AMBRA1: variants seen among roughly 807,000 people sequenced by gnomAD.
AMBRA1 encodes the protein activating molecule in BECN1-regulated autophagy protein 1.
Under a neutral mutation model 125.4 loss-of-function variants are expected in AMBRA1, and 47 were observed. That is an observed-to-expected ratio of 0.37 (90% CI 0.30 to 0.48). AMBRA1 has a LOEUF of 0.48. Among genes scored for constraint, AMBRA1 ranks in the 20% least tolerant of loss-of-function variants. The pLI is 0.99. For synonymous variants in AMBRA1, 626 were observed against 655.5 expected, an observed-to-expected ratio of 0.95 and a Z score of 0.69; for missense variants, 1,331 against 1,693.4, an observed-to-expected ratio of 0.79 and a Z score of 3.76.
chr11:46,566,045 C>T (rs945584934), intron 1 of AMBRA1, among the ~76,000 whole-genome samples: 1 of 152,108 alleles, frequency 6.6e-6, no homozygotes, highest in African/African-American at 2.4e-5. Flanking sequence ...GCCACCATGC[C>T]CAGCCAGATG....
At chr11:46,549,092 A>G (rs1029066903) in intron 1 of AMBRA1, 1 of 147,224 alleles carries the variant, frequency 6.8e-6, no homozygotes, top group Non-Finnish European at 1.5e-5. Context: ...AAAGGGAAGG[A>G]AAAAAAAAAA....
chr11:46,411,352 G>C (rs574723384), intron 15 of AMBRA1, among the ~76,000 whole-genome samples: 3 of 152,234 alleles, frequency 2.0e-5, no homozygotes, highest in East Asian at 1.9e-4. Context: ...GTGTTGGCTA[G>C]GACAGAGACC....
At chr11:46,566,588 G>A (rs1383020372) in intron 1 of AMBRA1, among the ~76,000 whole-genome samples, 1 of 152,106 alleles carries the variant, frequency 6.6e-6, no homozygotes, top group African/African-American at 2.4e-5. Flanking sequence ...ATTACAGACG[G>A]GACCCGGGGG....
At position 46,433,518 on chromosome 11, in the gene AMBRA1, C is replaced by T. The variant is rs1167936671; in HGVS notation, c.2932G>A (p.Val978Ile). 1 of 1,614,060 alleles carries T rather than the reference C, an allele frequency of 6.2e-7. No homozygotes were observed. The highest frequency in any genetic ancestry group is 8.5e-7 in the Non-Finnish European group (1 of 1,180,028). ...HPSTEHMVAQ[V>I]FRLQQAHGGE... ...CCATGGGCCTGTTGCAGCCTGAAGA[C>T]CTGGGCCACCATGTGCTCTGTGGAG... is the stretch of plus-strand genomic sequence containing the variant. The change falls in exon 14 of 18, where the codon GTC becomes ATC. Residue 978 changes from valine to isoleucine, a missense_variant. Physicochemically the swap from Val to Ile is conservative, Grantham distance 29. Around this residue, in one of 4 missense-constraint regions of AMBRA1, gnomAD observed 354 missense variants for 532.7 expected, o/e 0.66. Transcript: ENST00000683756.
rs552069761 is a variant in AMBRA1, at chr11:46,446,602, A to T, written c.2522-3004T>A. ...AGGACAGATAATTATTTGTGTGAAGAGTCTTGTGCATCGCAGAACATTTAG... is the reference window on the plus strand; with the variant it reads ...AGGACAGATAATTATTTGTGTGAAGTGTCTTGTGCATCGCAGAACATTTAG... On this transcript the variant is annotated intron_variant, in intron 11 of 17. Coordinates refer to ENST00000683756, the MANE Select transcript of AMBRA1 (RefSeq NM_001387011.1). 1.7e-4 allele frequency among the ~76,000 whole-genome samples: 26 copies of T among 152,312 alleles called. No individual in the cohort carries two copies. The South Asian group carries it at 3.9e-3, about 23-fold the overall frequency.
chr11:46,552,683 A>AC (rs2043045005), intron 1 of AMBRA1, among the ~76,000 whole-genome samples: 1 of 151,758 alleles, frequency 6.6e-6, no homozygotes, highest in South Asian at 2.1e-4. Flanking sequence ...TGTCTCAAAA[A>AC]AAAAAAAAAA....
chr11:46,431,907 A>G (rs957303487), intron 14 of AMBRA1, among the ~76,000 whole-genome samples: 1 of 152,220 alleles, frequency 6.6e-6, no homozygotes, highest in Admixed American at 6.5e-5. Context: ...CTTTCTTGTC[A>G]TTGTGATATC....
intron 14 of AMBRA1, among the ~76,000 whole-genome samples, chr11:46,425,678 A>T (rs539239816): frequency 3.9e-5 from 6 of 152,044 alleles, no homozygotes; most frequent in Admixed American, 3.9e-4. Context: ...TGTCTCTACT[A>T]AAAATACAGA....
chr11:46,503,659 TCACAATGTGGA>T (rs1950926112), intron 9 of AMBRA1, among the ~76,000 whole-genome samples: 1 of 152,174 alleles, frequency 6.6e-6, no homozygotes, highest in Non-Finnish European at 1.5e-5. Flanking sequence ...CTGTATTTGG[TCACAATGTGGA>T]CTTCTGGGAA....
rs1946616937 is a variant in AMBRA1, at chr11:46,417,906, C to T, written c.3116+7G>A. The T allele has an allele frequency of 6.2e-7, 1 of 1,602,086 alleles. No homozygotes were observed. The highest frequency in any genetic ancestry group is 8.5e-7 in the Non-Finnish European group (1 of 1,171,646). ...ATCCCTCAACCCCCACACTTTAAGC[C>T]ACTTACTCTGGTCGGCAGATCACCA... On this transcript the variant is annotated splice_region_variant and intron_variant, in intron 15 of 17. Transcript: ENST00000683756.
At chr11:46,527,362 C>T (rs950479995) in intron 7 of AMBRA1, among the ~76,000 whole-genome samples, 1 of 151,612 alleles carries the variant, frequency 6.6e-6, no homozygotes, top group South Asian at 2.1e-4. Flanking sequence ...CACCTGTAAT[C>T]CCAACTACTT....
At chr11:46,500,050 G>A (rs924618749) in intron 9 of AMBRA1, among the ~76,000 whole-genome samples, 2 of 152,144 alleles carry the variant, frequency 1.3e-5, no homozygotes, top group Non-Finnish European at 2.9e-5. Flanking sequence ...TTACACATCA[G>A]ACACTGAGGC....
intron 1 of AMBRA1, among the ~76,000 whole-genome samples, chr11:46,582,597 G>A (rs951991920): frequency 6.6e-6 from 1 of 152,302 alleles, no homozygotes; most frequent in African/African-American, 2.4e-5. Context: ...GTTAAGAGCA[G>A]GGGAATGTGG....
Position 46,408,524 on chromosome 11 carries a change from C to T in AMBRA1, c.3392G>A (p.Gly1131Asp), listed in dbSNP as rs1192917014. The T allele has an allele frequency of 1.3e-6, 2 of 1,567,394 alleles. No individual in the cohort carries two copies. Among genetic ancestry groups the T allele is most frequent in the East Asian group, 2.3e-5 (1 of 43,494 alleles). The change falls in exon 17 of 18, where the codon GGT (glycine) becomes GAT (aspartate). Residue 1131 changes from glycine to aspartate, a missense_variant. Around this residue, in one of 4 missense-constraint regions of AMBRA1, gnomAD observed 354 missense variants for 532.7 expected, o/e 0.66. Transcript: ENST00000683756. ...EVPEPGTAAS[G>D]PGEGEGSEYG... ...CACATGGCTCCTACCTTCACCAGGACCTGAGGCGGCTGTCCCTGGCTCCGG... is the reference window on the plus strand; with the variant it reads ...CACATGGCTCCTACCTTCACCAGGATCTGAGGCGGCTGTCCCTGGCTCCGG...
intron 1 of AMBRA1, among the ~76,000 whole-genome samples, chr11:46,571,370 T>C (rs186562020): frequency 6.6e-6 from 1 of 152,306 alleles, no homozygotes. Flanking sequence ...AGGGATCATT[T>C]TGAACATAAA....
intron 9 of AMBRA1, among the ~76,000 whole-genome samples, chr11:46,496,569 T>C (rs546857927): frequency 1.2e-4 from 18 of 152,174 alleles, no homozygotes; most frequent in Admixed American, 9.8e-4. Context: ...TATCTCTCGT[T>C]AGAAGGGCTG....
intron 9 of AMBRA1, among the ~76,000 whole-genome samples, chr11:46,496,548 A>G (rs1291457951): frequency 6.6e-6 from 1 of 152,216 alleles, no homozygotes; most frequent in African/African-American, 2.4e-5. Context: ...TCTGGACAAC[A>G]AACACGAATC....
chr11:46,433,914 G>A (rs1448311538), intron 13 of AMBRA1, among the ~76,000 whole-genome samples: 1 of 152,024 alleles, frequency 6.6e-6, no homozygotes, highest in Non-Finnish European at 1.5e-5. Flanking sequence ...TAGGGAGTTT[G>A]AGACCAGCCT....
chr11:46,397,975 T>C (rs201767064), intron 17 of AMBRA1, 32 bp from the exon 18 acceptor site: 34 of 1,553,616 alleles, frequency 2.2e-5, no homozygotes, highest in African/African-American at 8.1e-5. Flanking sequence ...AGAGAGCGAA[T>C]TGGCTGCTGG....
Sources: gnomAD v4.1 joint callset for allele counts (sites outside exome capture counted in the v4.1 genomes callset) on GRCh38, gnomAD v4.1.1 for gene constraint, gnomAD v4.1.1 regional missense constraint, MANE v1.5 for transcripts, NCBI Gene and HGNC (gene_info 2026-07-23, HGNC 2026-07-21) for gene names.